Variants in LGR5 observed in about 807,000 individuals in gnomAD.
The protein encoded by LGR5 is leucine rich repeat containing G protein-coupled receptor 5, also known as leucine-rich repeat-containing G protein-coupled receptor 5.
LGR5 carries 54 observed loss-of-function variants against 76.7 expected under a neutral mutation model. The observed-to-expected ratio is 0.70, with a 90% confidence interval of 0.57 to 0.88. The LOEUF is 0.88. LGR5 is among the 40% of genes least tolerant of loss of function. The pLI is 0.00. For missense variants in LGR5, 1,078 were observed against 1,073.3 expected, an observed-to-expected ratio of 1.00 and a Z score of -0.06; for synonymous variants, 406 against 421.9, an observed-to-expected ratio of 0.96 and a Z score of 0.46.
intron 4 of LGR5, among the ~76,000 whole-genome samples, chr12:71,543,165 A>G (rs1171749584): frequency 6.6e-6 from 1 of 152,200 alleles, no homozygotes; most frequent in Non-Finnish European, 1.5e-5. Flanking sequence ...GCCATAGGCT[A>G]GACAGCCACT....
intron 4 of LGR5, among the ~76,000 whole-genome samples, chr12:71,536,051 C>T (rs1280825): frequency 0.97 from 148,084 of 152,302 alleles, 72,139 homozygotes; most frequent in Middle Eastern, 1. Flanking sequence ...TTACAATATA[C>T]TGCATGATGT....
intron 15 of LGR5, 30 bp downstream of exon 15, chr12:71,578,959 C>A: frequency 6.4e-7 from 1 of 1,567,452 alleles, no homozygotes; most frequent in Non-Finnish European, 8.7e-7. Context: ...TAATAAGATA[C>A]ATTTGTGGTC....
rs1879299058 is a variant in LGR5, at chr12:71,585,921, C to T, written c.*1187C>T. 1 of 152,160 alleles carries T rather than the reference C, an allele frequency of 6.6e-6. No individual in the cohort carries two copies. Among genetic ancestry groups the T allele is most frequent in the Non-Finnish European group, 1.5e-5 (1 of 68,020 alleles). 9.4% of individuals were successfully genotyped at this position (152,160 alleles called of 1,614,324 possible). On this transcript the variant is annotated 3_prime_UTR_variant, in exon 18 of 18. Transcript: ENST00000266674. ...AATAAGAAAAGTCAAAGTATTAATT[C>T]TTACCTTCTATTATCCTATATTAGC...
At chr12:71,503,803 G>C (rs1874718837) in intron 1 of LGR5, among the ~76,000 whole-genome samples, 1 of 152,172 alleles carries the variant, frequency 6.6e-6, no homozygotes. Flanking sequence ...AATCTGTCCA[G>C]CTGTCAGTCT....
At chr12:71,526,136 A>T (rs1875992303) in intron 3 of LGR5, among the ~76,000 whole-genome samples, 1 of 152,144 alleles carries the variant, frequency 6.6e-6, no homozygotes, top group Non-Finnish European at 1.5e-5. Flanking sequence ...TGATCTAGAG[A>T]GAATAAGGGA....
chr12:71,475,417 G>A (rs994662686), intron 1 of LGR5, among the ~76,000 whole-genome samples: 6 of 152,148 alleles, frequency 3.9e-5, no homozygotes, highest in African/African-American at 1.4e-4. Context: ...GTGGCTCCCA[G>A]AGCCTCCAGG....
chr12:71,472,524 C>T (rs1263926413), intron 1 of LGR5, among the ~76,000 whole-genome samples: 1 of 152,128 alleles, frequency 6.6e-6, no homozygotes, highest in Non-Finnish European at 1.5e-5. Context: ...GGGAGAGCTG[C>T]CCCAATAGAT....
chr12:71,475,041 T>G (rs1394941376), intron 1 of LGR5, among the ~76,000 whole-genome samples: 1 of 152,146 alleles, frequency 6.6e-6, no homozygotes, highest in Non-Finnish European at 1.5e-5. Context: ...TGTGACTAAT[T>G]GGAATTGCAA....
At chr12:71,491,929 A>G (rs4237867) in intron 1 of LGR5, among the ~76,000 whole-genome samples, 82,292 of 150,492 alleles carry the variant, frequency 0.55, 23,412 homozygotes, top group East Asian at 0.85. Flanking sequence ...TAGCTCTTTT[A>G]GCTAATAGAA....
chr12:71,441,173 C>A (rs779910285), intron 1 of LGR5, among the ~76,000 whole-genome samples: 2 of 152,076 alleles, frequency 1.3e-5, no homozygotes, highest in Non-Finnish European at 2.9e-5. Flanking sequence ...CCTGAGGCGG[C>A]GGCTCATTGC....
chr12:71,556,655 G>T lies in LGR5; in HGVS notation c.681G>T (p.Lys227Asn), dbSNP rs1832527908. The T allele has an allele frequency of 2.5e-6, 4 of 1,612,540 alleles. No homozygotes were observed. Among genetic ancestry groups the T allele is most frequent in the Non-Finnish European group, 3.4e-6 (4 of 1,178,678 alleles). The change falls in exon 6 of 18, where the codon AAG becomes AAT. Residue 227 changes from lysine (K) to asparagine (N), a missense_variant. Transcript: ENST00000266674. ...ACAATAGAATCCACTCCCTGGGAAA[G>T]AAATGCTTTGATGGGCTCCACAGCC... The part of the protein sequence containing the change: ...LHNNRIHSLG[K>N]KCFDGLHSLE...
At chr12:71,546,845 G>A (rs1323648504) in intron 4 of LGR5, among the ~76,000 whole-genome samples, 1 of 152,186 alleles carries the variant, frequency 6.6e-6, no homozygotes, top group Non-Finnish European at 1.5e-5. Context: ...TAGGCAGGTA[G>A]CCCAGAAACC....
Position 71,558,239 on chromosome 12 carries a change from C to T in LGR5, c.717-1347C>T, listed in dbSNP as rs567742693. Among the ~76,000 whole-genome samples, 102 of 152,326 alleles carry T rather than the reference C, an allele frequency of 6.7e-4. 1 individual carries two copies. Among genetic ancestry groups the T allele is most frequent in the African/African-American group, 2.4e-3 (99 of 41,572 alleles). On this transcript the variant is annotated intron_variant, in intron 6 of 17. Coordinates refer to ENST00000266674, the MANE Select transcript of LGR5 (RefSeq NM_003667.4). ...CAGCAATGGAAATCACCTTCCAGCC[C>T]TTTTGAACAATAACAGGAATGAAAA...
At chr12:71,489,878 C>T (rs1873988696) in intron 1 of LGR5, among the ~76,000 whole-genome samples, 1 of 151,244 alleles carries the variant, frequency 6.6e-6, no homozygotes, top group South Asian at 2.1e-4. Flanking sequence ...GCCTGGGCAA[C>T]ATAGTGAGAA....
intron 1 of LGR5, among the ~76,000 whole-genome samples, chr12:71,471,694 G>T (rs558022619): frequency 1.4e-3 from 204 of 150,286 alleles, no homozygotes; most frequent in African/African-American, 4.1e-3. Flanking sequence ...TGAATCCTCC[G>T]CAACTTACCA....
At chr12:71,453,569 G>A (rs1238105742) in intron 1 of LGR5, among the ~76,000 whole-genome samples, 1 of 151,244 alleles carries the variant, frequency 6.6e-6, no homozygotes. Context: ...ACCAGTATCA[G>A]CCGTTGATTT....
chr12:71,580,181 A>T, intron 15 of LGR5, 97 bp from the exon 16 acceptor site: 1 of 1,176,610 alleles, frequency 8.5e-7, no homozygotes, highest in Non-Finnish European at 1.2e-6. Context: ...TTTAGGCTAA[A>T]ATCCAAAGGT....
chr12:71,440,223 T>C lies in LGR5; in HGVS notation c.143T>C (p.Leu48Pro), dbSNP rs759781148. 6.2e-7 allele frequency: 1 copy of C among 1,613,318 alleles called. No homozygotes were observed. Among genetic ancestry groups the C allele is most frequent in the South Asian group, 1.1e-5 (1 of 91,038 alleles). Residue 48 changes from leucine to proline, a missense_variant, in exon 1 of 18, where the codon CTC (leucine) becomes CCC (proline). Coordinates refer to ENST00000266674, the MANE Select transcript of LGR5 (RefSeq NM_003667.4). The surrounding 1 kb of genome is among the most constrained non-coding windows in gnomAD (Gnocchi z 5.3). Reference sequence around the variant, plus strand: ...TGCGAGCCCGACGGCAGGATGTTGCTCAGGGTGGACTGCTCCGACCTGGGG... The same window carrying C: ...TGCGAGCCCGACGGCAGGATGTTGCCCAGGGTGGACTGCTCCGACCTGGGG... ...CHCEPDGRML[L>P]RVDCSDLGLS...
chr12:71,464,567 G>A (rs1274617900), intron 1 of LGR5, among the ~76,000 whole-genome samples: 1 of 151,882 alleles, frequency 6.6e-6, no homozygotes, highest in Admixed American at 6.6e-5. Flanking sequence ...GATTGAAAGA[G>A]ACAAAAAAAT....
Sources: allele counts gnomAD v4.1 joint callset (sites outside exome capture counted in the v4.1 genomes callset), GRCh38; gene constraint gnomAD v4.1.1; non-coding constraint Gnocchi (gnomAD v3.1); transcripts MANE v1.5; gene names NCBI Gene and HGNC (gene_info 2026-07-23, HGNC 2026-07-21).